The following IREB2 variants were observed in gnomAD, a reference collection of about 807,000 sequenced individuals.
IREB2 encodes iron-responsive element-binding protein 2.
In IREB2, 39 loss-of-function variants were observed where a neutral mutation model predicts 118.8. The observed-to-expected ratio is 0.33, with a 90% CI of 0.25 to 0.43. The LOEUF (loss-of-function observed/expected upper bound fraction) is 0.43, where lower values mean the gene tolerates loss of function less well. Ranked by LOEUF, IREB2 falls within the 20% of genes least tolerant of loss-of-function variation. The probability of loss-of-function intolerance (pLI) is 1.00; values close to 1 mark genes in which losing one functional copy is unlikely to be tolerated. For missense variants in IREB2, 900 were observed against 1,147.3 expected (o/e 0.78, Z 3.11); for synonymous variants, 372 against 392.2 (o/e 0.95, Z 0.61).
At chr15:78,469,550 C>T (rs567578946) in intron 5 of IREB2, among the ~76,000 whole-genome samples, 2 of 151,946 alleles carry the variant, frequency 1.3e-5, no homozygotes, top group South Asian at 4.2e-4. Flanking sequence ...ATGGAGAAAC[C>T]CCATCTCTAC....
At chr15:78,447,914 T>C (rs2050958786) in intron 2 of IREB2, among the ~76,000 whole-genome samples, 1 of 152,216 alleles carries the variant, frequency 6.6e-6, no homozygotes, top group Admixed American at 6.5e-5. Flanking sequence ...GACTGTAAAT[T>C]GGTTGTCTGT....
intron 2 of IREB2, among the ~76,000 whole-genome samples, chr15:78,451,254 C>T (rs1256464355): frequency 6.6e-6 from 1 of 152,018 alleles, no homozygotes. Flanking sequence ...GTGTGAGCCA[C>T]CGTGCTCAGC....
In IREB2 at chr15:78,461,215, A is replaced by C. The variant is rs559693021; in HGVS notation, c.107-1707A>C. 5.3e-5 allele frequency among the ~76,000 whole-genome samples: 8 copies of C among 152,294 alleles called. No individual in the cohort carries two copies. In the South Asian group the frequency reaches 1.7e-3, roughly 32 times the overall value. On this transcript the variant is annotated intron_variant, in intron 2 of 21. Coordinates refer to ENST00000258886, the MANE Select transcript of IREB2 (RefSeq NM_004136.4). ...TCACTATCTCTGCTTTTTATCATAC[A>C]TTGTCACCTCAGGACATCTATAAAG...
chr15:78,496,877 G>A (rs2051845955), intron 20 of IREB2, among the ~76,000 whole-genome samples: 2 of 152,136 alleles, frequency 1.3e-5, no homozygotes, highest in South Asian at 4.1e-4. Context: ...TTATGATGTG[G>A]TAGGCAGCGG....
Position 78,471,918 on chromosome 15 carries a change from G to T in IREB2, c.877G>T (p.Gly293Trp). ...GATGGTGAATGGTTTAGGGATTCTGGGGTGGGGTAAGTAAATGACTAAATA... is the reference window on the plus strand; with the variant it reads ...GATGGTGAATGGTTTAGGGATTCTGTGGTGGGGTAAGTAAATGACTAAATA... ...ITMVNGLGIL[G>W]WGVGGIETEA... The change falls in exon 7 of 22, where the codon GGG (glycine) becomes TGG (tryptophan). Residue 293 changes from glycine to tryptophan, a missense_variant. Gly to Trp is a radical substitution (Grantham distance 184). Transcript: ENST00000258886. 6.3e-7 allele frequency: 1 copy of T among 1,577,606 alleles called. No individual in the cohort carries two copies. The highest frequency in any genetic ancestry group is 8.6e-7 in the Non-Finnish European group (1 of 1,161,624).
In IREB2 at chr15:78,484,846, C is replaced by G. The variant is rs750221258; in HGVS notation, c.1499C>G (p.Ser500Cys). ...IHYEGSEYKL[S>C]HGSVVIAAVI... ...TATGAAGGAAGTGAATATAAGCTGT[C>G]TCATGGATCAGTGGTCATTGCTGCA... Residue 500 changes from serine (S) to cysteine (C), a missense_variant, in exon 12 of 22, where the codon TCT becomes TGT. Coordinates refer to ENST00000258886, the MANE Select transcript of IREB2 (RefSeq NM_004136.4). 5.0e-6 allele frequency: 8 copies of G among 1,613,628 alleles called. No individual in the cohort carries two copies. In the Admixed American group the frequency reaches 8.3e-5, roughly 17 times the overall value.
chr15:78,458,412 C>G (rs2051140504), intron 2 of IREB2, among the ~76,000 whole-genome samples: 2 of 152,198 alleles, frequency 1.3e-5, no homozygotes, highest in South Asian at 2.1e-4. Flanking sequence ...TGGGAAATCT[C>G]TATACCTTCC....
At chr15:78,458,034 G>A (rs914281377) in intron 2 of IREB2, among the ~76,000 whole-genome samples, 2 of 151,984 alleles carry the variant, frequency 1.3e-5, no homozygotes, top group African/African-American at 2.4e-5. Context: ...CTAGATAGAC[G>A]AGGTAAGGAA....
At chr15:78,443,465 A>G (rs1172655887) in intron 2 of IREB2, among the ~76,000 whole-genome samples, 2 of 152,124 alleles carry the variant, frequency 1.3e-5, no homozygotes, top group African/African-American at 4.8e-5. Context: ...AACACAGATT[A>G]TTTGATTTCT....
chr15:78,454,286 C>G (rs951665466), intron 2 of IREB2, among the ~76,000 whole-genome samples: 1 of 152,110 alleles, frequency 6.6e-6, no homozygotes, highest in Non-Finnish European at 1.5e-5. Context: ...ACTTAAATGT[C>G]CTGCAGTGGG....
At chr15:78,471,177 T>G (rs1233136604) in intron 6 of IREB2, among the ~76,000 whole-genome samples, 3 of 151,824 alleles carry the variant, frequency 2.0e-5, no homozygotes, top group Non-Finnish European at 4.4e-5. Context: ...GCCTGGCTAT[T>G]TTTGTATTTT....
chr15:78,446,519 T>C (rs1008752109), intron 2 of IREB2, among the ~76,000 whole-genome samples: 1 of 152,162 alleles, frequency 6.6e-6, no homozygotes, highest in Non-Finnish European at 1.5e-5. Context: ...TATTATTTTC[T>C]CTTAGGAGCT....
intron 16 of IREB2, among the ~76,000 whole-genome samples, 181 bp downstream of exon 16, chr15:78,488,952 G>A (rs1047397006): frequency 6.6e-6 from 1 of 152,216 alleles, no homozygotes; most frequent in Non-Finnish European, 1.5e-5. Flanking sequence ...GGGCACAGTG[G>A]CTCACGCCTG....
At chr15:78,472,238 T>G (rs1596001205) in intron 7 of IREB2, among the ~76,000 whole-genome samples, 1 of 152,226 alleles carries the variant, frequency 6.6e-6, no homozygotes, top group African/African-American at 2.4e-5. Context: ...CTTCTCCTGG[T>G]CTTCTTTATA....
rs958434745 is a variant in IREB2, at chr15:78,483,494, C to G, written c.1413+60C>G. ...CCGCTTTGTGCTAAGTAGTAAAGAA[C>G]CAACAAGGTGACCCATAAACTCAAT... On this transcript the variant is annotated intron_variant, in intron 11 of 21. Coordinates refer to ENST00000258886, the MANE Select transcript of IREB2 (RefSeq NM_004136.4). 47 of 878,030 alleles carry G rather than the reference C, an allele frequency of 5.4e-5. No homozygotes were observed. The South Asian group carries it at 5.8e-4, about 11-fold the overall frequency. The allele number at this position is 878,030 out of a possible 1,614,324, so 54.4% of individuals were successfully genotyped here. A position where few individuals can be genotyped will look rare whatever the true frequency, so the allele number is the denominator to read the frequency against.
At chr15:78,474,603 T>C (rs1193821539) in intron 8 of IREB2, 1 of 152,236 alleles carries the variant, frequency 6.6e-6, no homozygotes, top group African/African-American at 2.4e-5. Flanking sequence ...GTTAAAAAAT[T>C]AATCTATTAT....
intron 2 of IREB2, 54 bp downstream of exon 2, chr15:78,439,935 C>T: frequency 9.1e-7 from 1 of 1,093,034 alleles, no homozygotes; most frequent in Non-Finnish European, 1.4e-6. Flanking sequence ...AATGAAAATG[C>T]ATTTGTCAAG....
At chr15:78,438,382 T>C in intron 1 of IREB2, 26 bp downstream of exon 1, 1 of 1,593,142 alleles carries the variant, frequency 6.3e-7, no homozygotes, top group Non-Finnish European at 8.5e-7. Context: ...CCGAGCTGGG[T>C]CTGGCAGTTG....
chr15:78,495,834 G>A (rs1435521607), intron 20 of IREB2, among the ~76,000 whole-genome samples: 1 of 152,140 alleles, frequency 6.6e-6, no homozygotes, highest in Non-Finnish European at 1.5e-5. Flanking sequence ...CTAAAATTTT[G>A]GAGAGAAGGG....
Sources: gnomAD v4.1 joint callset for allele counts (sites outside exome capture counted in the v4.1 genomes callset) on GRCh38, gnomAD v4.1.1 for gene constraint, MANE v1.5 for transcripts, NCBI Gene and HGNC (gene_info 2026-07-23, HGNC 2026-07-21) for gene names.